The following LRP12 variants were observed in gnomAD, a reference collection of about 807,000 sequenced individuals.
LRP12 encodes LDL receptor related protein 12, also known as low-density lipoprotein receptor-related protein 12.
Under a neutral mutation model 66.0 loss-of-function variants are expected in LRP12, and 14 were observed. The ratio of observed to expected loss-of-function variants is 0.21; its 90% CI spans 0.14 to 0.33. LRP12 has a LOEUF of 0.33. Ranked by LOEUF, LRP12 falls within the 10% of genes least tolerant of loss-of-function variation. The probability of loss-of-function intolerance (pLI) is 1.00; values close to 1 mark genes in which losing one functional copy is unlikely to be tolerated. For synonymous variants in LRP12, 357 were observed against 359.1 expected (o/e 0.99, Z 0.07); for missense variants, 889 against 1,053.4 (o/e 0.84, Z 2.16).
intron 1 of LRP12, among the ~76,000 whole-genome samples, chr8:104,585,939 T>C (rs767315096): frequency 6.6e-6 from 1 of 152,172 alleles, no homozygotes; most frequent in African/African-American, 2.4e-5. Flanking sequence ...AAGCGAGACA[T>C]CCCTATGTGA....
intron 6 of LRP12, among the ~76,000 whole-genome samples, chr8:104,494,420 C>A (rs755924726): frequency 3.9e-5 from 6 of 152,086 alleles, no homozygotes; most frequent in South Asian, 4.1e-4. Context: ...ACTGGGAAAA[C>A]AATGTTTACC....
chr8:104,588,666 G>C (rs909389236), intron 1 of LRP12, among the ~76,000 whole-genome samples, 153 bp downstream of exon 1: 1 of 152,046 alleles, frequency 6.6e-6, no homozygotes, highest in Admixed American at 6.5e-5. Context: ...GGGGACACCC[G>C]TTCCGCCACA....
At chr8:104,548,145 AT>A (rs1240918874) in intron 1 of LRP12, among the ~76,000 whole-genome samples, 14 of 85,142 alleles carry the variant, frequency 1.6e-4, no homozygotes, top group African/African-American at 7.2e-4. Context: ...TTATAATTAT[AT>A]TATATATTAA....
intron 2 of LRP12, among the ~76,000 whole-genome samples, chr8:104,511,199 A>G (rs546114150): frequency 1.3e-5 from 2 of 151,860 alleles, no homozygotes; most frequent in South Asian, 2.1e-4. Flanking sequence ...GCACGCTACC[A>G]CACCCAGCTA....
intron 2 of LRP12, among the ~76,000 whole-genome samples, chr8:104,509,361 G>A (rs1810958933): frequency 6.6e-6 from 1 of 152,168 alleles, no homozygotes; most frequent in South Asian, 2.1e-4. Context: ...AATAGTAAAT[G>A]GAAAATTCTG....
chr8:104,547,514 AAT>A (rs935620545), intron 1 of LRP12, among the ~76,000 whole-genome samples: 7 of 123,546 alleles, frequency 5.7e-5, no homozygotes, highest in African/African-American at 2.4e-4. Flanking sequence ...TTTTGTATAT[AAT>A]ATATAATTGT....
intron 1 of LRP12, among the ~76,000 whole-genome samples, chr8:104,586,178 G>T (rs1812328763): frequency 6.6e-6 from 1 of 152,144 alleles, no homozygotes; most frequent in African/African-American, 2.4e-5. Flanking sequence ...TTATATTCTA[G>T]ATTACAATTT....
intron 2 of LRP12, among the ~76,000 whole-genome samples, chr8:104,509,763 G>A (rs190376348): frequency 1.3e-5 from 2 of 152,272 alleles, no homozygotes; most frequent in African/African-American, 4.8e-5. Context: ...TTATATCCAT[G>A]AAATTATGAA....
In LRP12 at chr8:104,548,243, C is replaced by T. The variant is rs868689052; in HGVS notation, c.80-16280G>A. ...TATATGATATATTTATATTAATATA[C>T]GATATATATTATATTAATATATGAT... On this transcript the variant is annotated intron_variant, in intron 1 of 6. Transcript: ENST00000276654. Among the ~76,000 whole-genome samples, 354 of 79,626 alleles carry T rather than the reference C, an allele frequency of 4.4e-3. 24 individuals are homozygous for T. The highest frequency in any genetic ancestry group is 0.024 in the African/African-American group (289 of 11,966). The allele number at this position is 79,626 out of a possible 152,430, so 52.2% of individuals were successfully genotyped here.
chr8:104,588,771 C>T (rs1271815692), intron 1 of LRP12, 48 bp downstream of exon 1: 2 of 1,567,580 alleles, frequency 1.3e-6, no homozygotes, highest in Admixed American at 1.8e-5. Context: ...GGGCCCGGGT[C>T]GCCTCAGCTT....
At chr8:104,522,141 TGTG>T (rs1465906389) in intron 2 of LRP12, among the ~76,000 whole-genome samples, 1 of 151,994 alleles carries the variant, frequency 6.6e-6, no homozygotes, top group Non-Finnish European at 1.5e-5. Context: ...AGCCCAAAGC[TGTG>T]GTTAAAAACA....
chr8:104,554,585 A>G (rs1811777317), intron 1 of LRP12, among the ~76,000 whole-genome samples: 1 of 152,118 alleles, frequency 6.6e-6, no homozygotes, highest in African/African-American at 2.4e-5. Context: ...GGAAAAAAGA[A>G]TTAAAAATAA....
intron 1 of LRP12, among the ~76,000 whole-genome samples, chr8:104,547,215 C>T (rs957334096): frequency 7.3e-6 from 1 of 136,084 alleles, no homozygotes; most frequent in Non-Finnish European, 1.5e-5. Context: ...ATATAATATA[C>T]AATTCTGTTA....
chr8:104,579,688 G>T (rs879677196), intron 1 of LRP12, among the ~76,000 whole-genome samples: 2 of 152,084 alleles, frequency 1.3e-5, no homozygotes, highest in Non-Finnish European at 2.9e-5. Context: ...TACACTACAG[G>T]TCTACAGTAA....
At chr8:104,554,494 T>C (rs4263729) in intron 1 of LRP12, among the ~76,000 whole-genome samples, 28,413 of 151,454 alleles carry the variant, frequency 0.19, 3,329 homozygotes, top group African/African-American at 0.34. Flanking sequence ...ATTGGAAAAT[T>C]GAAACAACAG....
intron 1 of LRP12, among the ~76,000 whole-genome samples, chr8:104,581,617 G>A (rs1812250512): frequency 6.6e-6 from 1 of 151,896 alleles, no homozygotes; most frequent in Non-Finnish European, 1.5e-5. Context: ...TGGGTTTTAA[G>A]CAAGAAAGTT....
chr8:104,565,840 G>C (rs1181088030), intron 1 of LRP12, among the ~76,000 whole-genome samples: 1 of 142,388 alleles, frequency 7.0e-6, no homozygotes, highest in Non-Finnish European at 1.5e-5. Flanking sequence ...CAGCCTCAGC[G>C]ACAGAGCAAG....
chr8:104,561,862 G>A (rs959998982), intron 1 of LRP12, among the ~76,000 whole-genome samples: 1 of 151,982 alleles, frequency 6.6e-6, no homozygotes, highest in African/African-American at 2.4e-5. Context: ...GAACATCCCT[G>A]GTTTCGCTTG....
intron 2 of LRP12, among the ~76,000 whole-genome samples, chr8:104,529,661 A>G (rs1316276085): frequency 6.6e-6 from 1 of 152,202 alleles, no homozygotes; most frequent in Non-Finnish European, 1.5e-5. Flanking sequence ...TGCATAACTC[A>G]GCAAATCTGC....
Sources: gnomAD v4.1 joint callset for allele counts (sites outside exome capture counted in the v4.1 genomes callset) on GRCh38, gnomAD v4.1.1 for gene constraint, MANE v1.5 for transcripts, NCBI Gene and HGNC (gene_info 2026-07-23, HGNC 2026-07-21) for gene names.